Variants in NEK3 observed in about 807,000 individuals in gnomAD.
The protein encoded by NEK3 is NIMA related kinase 3.
A neutral mutation model predicts 66.0 loss-of-function variants in NEK3; 54 were observed. The ratio of observed to expected loss-of-function variants is 0.82; its 90% CI spans 0.66 to 1.03. NEK3 has a LOEUF of 1.03. Among genes scored for constraint, NEK3 ranks in the 50% least tolerant of loss-of-function variants. The pLI is 0.00. For synonymous variants in NEK3, 200 were observed against 206.2 expected (o/e 0.97, Z 0.26); for missense variants, 593 against 603.0 (o/e 0.98, Z 0.17).
At chr13:52,151,265 G>T in intron 6 of NEK3, 33 bp from the exon 7 acceptor site, 1 of 1,594,632 alleles carries the variant, frequency 6.3e-7, no homozygotes, top group Non-Finnish European at 8.6e-7. Context: ...AATGATTACA[G>T]AACATTCCTG....
In NEK3 at chr13:52,153,960, A is replaced by C; in HGVS notation, c.244T>G (p.Cys82Gly). 1 of 1,613,046 alleles carries C rather than the reference A, an allele frequency of 6.2e-7. No homozygotes were observed. The highest frequency in any genetic ancestry group is 1.1e-5 in the South Asian group (1 of 91,046). ...TTTTGCATTAGATCCCCTCCATCAC[A>C]GTATTCCATCACAATATACAAGTGT... ...EGHLYIVMEY[C>G]DGGDLMQKIK... Residue 82 changes from cysteine (C) to glycine (G), a missense_variant, in exon 4 of 16, where the codon TGT (cysteine) becomes GGT (glycine). Cys to Gly is a radical substitution (Grantham distance 159, BLOSUM62 -3). Transcript: ENST00000610828.
In NEK3 at chr13:52,149,516, T is replaced by C. The variant is rs189501124; in HGVS notation, c.549-1047A>G. ...TGCCCTTATCTAGGTCCCCCAATCA[T>C]TCTCATTGGCCATGTTTGCGTGCTA... On this transcript the variant is annotated intron_variant, in intron 7 of 15. Coordinates refer to ENST00000610828, the MANE Select transcript of NEK3 (RefSeq NM_002498.3). Among the ~76,000 whole-genome samples the C allele has an allele frequency of 4.6e-3, 702 of 152,306 alleles. 4 individuals carry two copies. Among genetic ancestry groups the C allele is most frequent in the African/African-American group, 0.016 (674 of 41,568 alleles).
intron 8 of NEK3, among the ~76,000 whole-genome samples, chr13:52,146,597 A>G (rs1015169082): frequency 5.3e-5 from 8 of 152,236 alleles, no homozygotes; most frequent in Non-Finnish European, 1.2e-4. Context: ...GGAATTTTAA[A>G]AATAATTTTA....
intron 11 of NEK3, among the ~76,000 whole-genome samples, chr13:52,140,109 G>A (rs148582823): frequency 8.8e-4 from 132 of 150,464 alleles, no homozygotes; most frequent in African/African-American, 2.9e-3. Context: ...CAGATACTTG[G>A]GAGGCTGAGG....
rs74963077 is a variant in NEK3 at position 52,133,892 on chromosome 13, C to T, written c.1310-77G>A. ...TTCATGCAGTTTGATTAAAATCCTC[C>T]GTAAGCTTGCTGGCTGAGGACAATG... On this transcript the variant is annotated intron_variant, in intron 14 of 15. Coordinates refer to ENST00000610828, the MANE Select transcript of NEK3 (RefSeq NM_002498.3). 1,475 of 1,424,700 alleles carry T rather than the reference C, an allele frequency of 1.0e-3. 14 individuals are homozygous for T. The African/African-American group carries it at 0.015, about 14-fold the overall frequency. 88.3% of individuals were successfully genotyped at this position (1,424,700 alleles called of 1,614,324 possible).
rs2138199628 is a variant in NEK3, at chr13:52,144,582, G to C, written c.804+109C>G. The C allele has an allele frequency of 3.5e-6, 3 of 858,198 alleles. No individual in the cohort carries two copies. In the South Asian group the frequency reaches 5.2e-5, roughly 15 times the overall value. 53.2% of individuals were successfully genotyped at this position (858,198 alleles called of 1,614,324 possible). ...ACTTTTTATTTTTTAATATACTTCT[G>C]TATCATTTGGATTTTGATGAGCACA... On this transcript the variant is annotated intron_variant, in intron 9 of 15. Transcript: ENST00000610828.
chr13:52,133,314 T>C, intron 15 of NEK3, 88 bp from the exon 16 acceptor site: 2 of 1,059,562 alleles, frequency 1.9e-6, no homozygotes, highest in Non-Finnish European at 2.8e-6. Flanking sequence ...ACCATAACAA[T>C]ACTTAAGCTT....
chr13:52,133,086 A>G lies in NEK3; in HGVS notation c.*56T>C. The stretch of plus-strand genomic sequence containing the variant: ...CGCATGAACTCATGATCATCTCAGC[A>G]TGAACTCCTGAGTGAAGCCTCTCCT... On this transcript the variant is annotated 3_prime_UTR_variant, in exon 16 of 16. Transcript: ENST00000610828. 5.8e-6 allele frequency: 8 copies of G among 1,370,912 alleles called. No individual in the cohort carries two copies. In the South Asian group the frequency reaches 8.6e-5, roughly 15 times the overall value. 84.9% of individuals were successfully genotyped at this position (1,370,912 alleles called of 1,614,324 possible).
rs1956176911 is a variant in NEK3 at position 52,133,691 on chromosome 13, GTCC to G, written c.1431_1433del (p.Glu477del). 1.3e-6 allele frequency: 2 copies of G among 1,552,702 alleles called. No individual in the cohort carries two copies. Among genetic ancestry groups the G allele is most frequent in the Non-Finnish European group, 1.7e-6 (2 of 1,147,536 alleles). On this transcript the variant is annotated inframe_deletion, in exon 15 of 16. Transcript: ENST00000610828. ...TTTCTATGCATATCACAACGTACGTGTCCTCCTCATCTAGCCCAGGCTCAAGTC... is the reference window on the plus strand; with the variant it reads ...TTTCTATGCATATCACAACGTACGTGTCCTCATCTAGCCCAGGCTCAAGTC...
At chr13:52,140,424 C>CA (rs375564990) in intron 11 of NEK3, among the ~76,000 whole-genome samples, 157 of 152,006 alleles carry the variant, frequency 1.0e-3, no homozygotes, top group African/African-American at 3.6e-3. Context: ...CTGGCTAAAA[C>CA]AGTGAAACCC....
chr13:52,133,114 G>C lies in NEK3; in HGVS notation c.*28C>G, dbSNP rs374899223. On this transcript the variant is annotated 3_prime_UTR_variant, in exon 16 of 16. Transcript: ENST00000610828. ...AACTCCTGAGTGAAGCCTCTCCTCA[G>C]CGTGACTCAGGAACATTTCCTCAGG... 1.9e-6 allele frequency: 3 copies of C among 1,572,690 alleles called. No homozygotes were observed. Among genetic ancestry groups the C allele is most frequent in the Middle Eastern group, 1.7e-4 (1 of 6,020 alleles).
intron 14 of NEK3, 70 bp downstream of exon 14, chr13:52,135,659 T>C (rs1594020641): frequency 5.9e-6 from 8 of 1,365,570 alleles, no homozygotes; most frequent in Non-Finnish European, 7.0e-6. Flanking sequence ...GTAAATTTTA[T>C]GTTATATATA....
chr13:52,149,547 C>T (rs1190981516), intron 7 of NEK3, among the ~76,000 whole-genome samples: 1 of 151,992 alleles, frequency 6.6e-6, no homozygotes, highest in Non-Finnish European at 1.5e-5. Flanking sequence ...TGCTAATCTC[C>T]CTCCTCTATA....
In NEK3 at chr13:52,135,764, C is replaced by A. The variant is rs755594164; in HGVS notation, c.1274G>T (p.Ser425Ile). 1.2e-5 allele frequency: 20 copies of A among 1,613,452 alleles called. No individual in the cohort carries two copies. In the South Asian group the frequency reaches 2.1e-4, roughly 17 times the overall value. ...LLNILKNADL[S>I]LAFQTYTIYR... ...TATTGTGTATGTTTGAAAAGCCAAG[C>A]TGAGATCAGCATTCTTAAGGATGTT... The change falls in exon 14 of 16, where the codon AGC becomes ATC. Residue 425 changes from serine (S) to isoleucine (I), a missense_variant. Ser to Ile is a moderately radical substitution (Grantham distance 142). Coordinates refer to ENST00000610828, the MANE Select transcript of NEK3 (RefSeq NM_002498.3).
chr13:52,135,797 G>C lies in NEK3; in HGVS notation c.1241C>G (p.Thr414Ser). The C allele has an allele frequency of 2.5e-6, 4 of 1,613,648 alleles. No homozygotes were observed. The highest frequency in any genetic ancestry group is 2.5e-6 in the Non-Finnish European group (3 of 1,179,654). Residue 414 changes from threonine (T) to serine (S), a missense_variant, in exon 14 of 16, where the codon ACT (threonine) becomes AGT (serine). Thr to Ser is a moderately conservative substitution (Grantham distance 58, BLOSUM62 1). Coordinates refer to ENST00000610828, the MANE Select transcript of NEK3 (RefSeq NM_002498.3). ...AGCATTCTTAAGGATGTTCAACAAA[G>C]TGTCAGGGGTCTCTTTGAGCCACTG... ...RKQWLKETPD[T>S]LLNILKNADL...
chr13:52,148,021 CA>C, intron 8 of NEK3: 1 of 156,322 alleles, frequency 6.4e-6, no homozygotes, highest in Non-Finnish European at 1.4e-5. Flanking sequence ...CAAAACAAAA[CA>C]AAAAACCCCC....
At chr13:52,138,164 G>GC (rs1185067239) in intron 11 of NEK3, among the ~76,000 whole-genome samples, 2 of 152,182 alleles carry the variant, frequency 1.3e-5, no homozygotes, top group Non-Finnish European at 2.9e-5. Flanking sequence ...GGGACTACAG[G>GC]CATGTGCCAC....
At chr13:52,136,776 A>T (rs1179147192) in intron 12 of NEK3, 24 bp downstream of exon 12, 1 of 1,479,172 alleles carries the variant, frequency 6.8e-7, no homozygotes. Context: ...CACCTAAGAA[A>T]TGATTAGAAT....
intron 15 of NEK3, among the ~76,000 whole-genome samples, 177 bp from the exon 16 acceptor site, chr13:52,133,403 T>C (rs1402996947): frequency 6.6e-6 from 1 of 152,132 alleles, no homozygotes; most frequent in Non-Finnish European, 1.5e-5. Flanking sequence ...TGACTGTTTC[T>C]AAAACTTTTA....
Sources: gnomAD v4.1 joint callset for allele counts (sites outside exome capture counted in the v4.1 genomes callset) on GRCh38, gnomAD v4.1.1 for gene constraint, MANE v1.5 for transcripts, NCBI Gene and HGNC (gene_info 2026-07-23, HGNC 2026-07-21) for gene names.